COL27A1: variants seen among roughly 807,000 people sequenced by gnomAD.
COL27A1 encodes collagen type XXVII alpha 1 chain.
COL27A1 carries 106 observed loss-of-function variants against 251.3 expected under a neutral mutation model. That is an observed-to-expected ratio of 0.42 (90% confidence interval 0.36 to 0.50). COL27A1 has a LOEUF of 0.50. Among genes scored for constraint, COL27A1 ranks in the 20% least tolerant of loss-of-function variants. The pLI is 0.00. For missense variants in COL27A1, 2,325 were observed against 2,522.8 expected (o/e 0.92, Z 1.68); for synonymous variants, 1,000 against 986.3 (o/e 1.01, Z -0.26).
chr9:114,280,922 G>T (rs1434037707), intron 37 of COL27A1, among the ~76,000 whole-genome samples: 1 of 152,210 alleles, frequency 6.6e-6, no homozygotes, highest in Non-Finnish European at 1.5e-5. Context: ...GAACATGGCT[G>T]GCCCTGCCTC....
At chr9:114,161,495 G>A (rs922327709) in intron 1 of COL27A1, among the ~76,000 whole-genome samples, 22 of 152,182 alleles carry the variant, frequency 1.4e-4, no homozygotes, top group African/African-American at 4.6e-4. Flanking sequence ...AGAAGCTGTC[G>A]TCTAAGGTGC....
chr9:114,194,483 C>T lies in COL27A1; in HGVS notation c.2070+26C>T, dbSNP rs751990309. On this transcript the variant is annotated intron_variant, in intron 6 of 60. Coordinates refer to ENST00000356083, the MANE Select transcript of COL27A1 (RefSeq NM_032888.4). ...GTAGGTTTCCAGGGACCCCAGTTCT[C>T]AGGGAAGAGGGGAGTGGATGATAGT... The T allele has an allele frequency of 3.2e-5, 52 of 1,600,058 alleles. 5 individuals carry two copies. The South Asian group carries it at 5.8e-4, about 18-fold the overall frequency.
At chr9:114,285,076 T>C (rs1454338211) in intron 41 of COL27A1, among the ~76,000 whole-genome samples, 1 of 152,220 alleles carries the variant, frequency 6.6e-6, no homozygotes, top group African/African-American at 2.4e-5. Context: ...ATCAATCTTG[T>C]AATGACTAAA....
rs923773607 is a variant in COL27A1, at chr9:114,246,001, C to T, written c.2979+91C>T. 4.0e-5 allele frequency: 45 copies of T among 1,118,748 alleles called. No homozygotes were observed. The African/African-American group carries it at 5.4e-4, about 13-fold the overall frequency. The allele number at this position is 1,118,748 out of a possible 1,614,324, so 69.3% of individuals were successfully genotyped here. ...TTTGCCCAGCACCCTCCATGCACCA[C>T]CTCGTGTAATTCTCAGAACAACTCC... On this transcript the variant is annotated intron_variant, in intron 24 of 60. Transcript: ENST00000356083.
chr9:114,299,993 C>T, intron 49 of COL27A1, 77 bp from the exon 50 acceptor site: 2 of 1,403,056 alleles, frequency 1.4e-6, no homozygotes, highest in Non-Finnish European at 2.0e-6. Context: ...AAAAGGCAGG[C>T]CCTGAGGTCC....
intron 3 of COL27A1, among the ~76,000 whole-genome samples, chr9:114,174,409 G>C (rs1448153122): frequency 6.6e-6 from 1 of 152,150 alleles, no homozygotes; most frequent in African/African-American, 2.4e-5. Context: ...ACCTTGAGCA[G>C]GGGTCTCCTC....
chr9:114,306,927 T>G, intron 58 of COL27A1: 1 of 504,782 alleles, frequency 2.0e-6, no homozygotes, highest in Non-Finnish European at 3.5e-6. Flanking sequence ...CCTGAGGCTG[T>G]AAGAGTCCCC....
chr9:114,270,563 A>T (rs1309061035), intron 35 of COL27A1, among the ~76,000 whole-genome samples, 165 bp from the exon 36 acceptor site: 1 of 152,156 alleles, frequency 6.6e-6, no homozygotes. Context: ...TTGCTAACTC[A>T]GCCCCTGGCT....
chr9:114,251,666 C>T (rs1833555229), intron 25 of COL27A1, among the ~76,000 whole-genome samples: 2 of 152,228 alleles, frequency 1.3e-5, no homozygotes, highest in African/African-American at 2.4e-5. Context: ...TCCCTTCTCA[C>T]CTACAAACCA....
chr9:114,154,547 G>C (rs1848019829), upstream of COL27A1, among the ~76,000 whole-genome samples: 1 of 152,200 alleles, frequency 6.6e-6, no homozygotes, highest in South Asian at 2.1e-4. The surrounding 1 kb of genome is among the most constrained non-coding windows in gnomAD (Gnocchi z 5.8). Context: ...GCGCGCGTGT[G>C]TCCACCCGGG....
chr9:114,157,097 C>T (rs568216438), intron 1 of COL27A1, among the ~76,000 whole-genome samples: 2 of 133,850 alleles, frequency 1.5e-5, no homozygotes, highest in South Asian at 5.6e-4. Flanking sequence ...CACACACACA[C>T]ACACACATAC....
intron 59 of COL27A1, among the ~76,000 whole-genome samples, 152 bp from the exon 60 acceptor site, chr9:114,309,107 CG>C: frequency 6.6e-6 from 1 of 152,260 alleles, no homozygotes; most frequent in Middle Eastern, 3.4e-3. Context: ...TCAGTTTCCC[CG>C]TCTATCAAGT....
At chr9:114,231,941 G>GCTT in intron 16 of COL27A1, 75 bp downstream of exon 16, 1 of 1,466,028 alleles carries the variant, frequency 6.8e-7, no homozygotes, top group East Asian at 2.3e-5. Flanking sequence ...GGCTGCTGCT[G>GCTT]ATTTCTCGCC....
At chr9:114,176,192 C>T (rs1310554355) in intron 3 of COL27A1, among the ~76,000 whole-genome samples, 1 of 152,172 alleles carries the variant, frequency 6.6e-6, no homozygotes, top group Non-Finnish European at 1.5e-5. Flanking sequence ...GGTATACCTA[C>T]AGTATGCTTC....
At chr9:114,170,994 T>G (rs1849275670) in intron 3 of COL27A1, among the ~76,000 whole-genome samples, 2 of 152,184 alleles carry the variant, frequency 1.3e-5, no homozygotes, top group South Asian at 4.1e-4. Flanking sequence ...CGGCCCTCCC[T>G]CCCAAGAATT....
chr9:114,191,515 G>A (rs1278627683), intron 5 of COL27A1, among the ~76,000 whole-genome samples: 1 of 152,126 alleles, frequency 6.6e-6, no homozygotes, highest in African/African-American at 2.4e-5. Context: ...GTGAGAGCAG[G>A]CAGTATTTGG....
intron 16 of COL27A1, among the ~76,000 whole-genome samples, chr9:114,233,972 C>G (rs1319113719): frequency 1.3e-5 from 2 of 152,176 alleles, no homozygotes; most frequent in South Asian, 2.1e-4. Flanking sequence ...CATCCCTTCA[C>G]GTTCCAAGGT....
In COL27A1 at chr9:114,242,283, G is replaced by A; in HGVS notation, c.2880+52G>A. 2.6e-6 allele frequency: 4 copies of A among 1,527,476 alleles called. No individual in the cohort carries two copies. In the South Asian group the frequency reaches 4.8e-5, roughly 18 times the overall value. The allele number at this position is 1,527,476 out of a possible 1,614,324, so 94.6% of individuals were successfully genotyped here. ...GGCATTCATGGGAGCTGAGCCAGCT[G>A]TGCACAGGCAGGGCAACATCTGGCC... On this transcript the variant is annotated intron_variant, in intron 22 of 60. Transcript: ENST00000356083.
At chr9:114,309,768 T>C (rs1829320746) in intron 60 of COL27A1, among the ~76,000 whole-genome samples, 1 of 152,216 alleles carries the variant, frequency 6.6e-6, no homozygotes, top group African/African-American at 2.4e-5. Context: ...ACATTTCTTC[T>C]TCCTGCTCCC....
Sources: allele counts gnomAD v4.1 joint callset (sites outside exome capture counted in the v4.1 genomes callset), GRCh38; gene constraint gnomAD v4.1.1; non-coding constraint Gnocchi (gnomAD v3.1); transcripts MANE v1.5; gene names NCBI Gene and HGNC (gene_info 2026-07-23, HGNC 2026-07-21).